RYR2: variants seen among roughly 807,000 people sequenced by gnomAD.
RYR2 encodes the protein cardiac muscle ryanodine receptor-calcium release channel.
Under a neutral mutation model 601.1 loss-of-function variants are expected in RYR2, and 227 were observed. That is an observed-to-expected ratio of 0.38 (90% CI 0.34 to 0.42). RYR2 has a LOEUF of 0.42. Ranked by LOEUF, RYR2 falls within the 10% of genes least tolerant of loss-of-function variation. The pLI, the probability that RYR2 is intolerant of heterozygous loss-of-function variation, is 1.00. For missense variants in RYR2, 4,646 were observed against 6,156.5 expected, an observed-to-expected ratio of 0.75 and a Z score of 8.21; for synonymous variants, 2,223 against 2,175.1, an observed-to-expected ratio of 1.02 and a Z score of -0.61.
chr1:237,497,220 G>C (rs911636875), intron 20 of RYR2, among the ~76,000 whole-genome samples: 2 of 152,130 alleles, frequency 1.3e-5, no homozygotes, highest in Non-Finnish European at 1.5e-5. Flanking sequence ...GTAATGGTGG[G>C]AAATCAATAA....
At chr1:237,327,404 C>T (rs1696274080) in intron 2 of RYR2, among the ~76,000 whole-genome samples, 1 of 152,152 alleles carries the variant, frequency 6.6e-6, no homozygotes. Context: ...TCATTTGAAA[C>T]CCATGTGGTT....
chr1:237,736,167 A>T (rs149672692), intron 79 of RYR2, among the ~76,000 whole-genome samples: 11 of 152,292 alleles, frequency 7.2e-5, no homozygotes, highest in African/African-American at 2.6e-4. Context: ...GGGTTAAAAG[A>T]TAAAAGGATA....
chr1:237,191,437 T>C (rs1679958150), intron 1 of RYR2, among the ~76,000 whole-genome samples: 1 of 152,096 alleles, frequency 6.6e-6, no homozygotes. Flanking sequence ...TTTTCCTTTT[T>C]CTACAAAGAA....
chr1:237,511,863 G>C, intron 24 of RYR2, 72 bp downstream of exon 24: 1 of 803,584 alleles, frequency 1.2e-6, no homozygotes, highest in Non-Finnish European at 1.9e-6. Flanking sequence ...AAAAAAACAG[G>C]TATTGATGCT....
chr1:237,474,883 G>A (rs967053902), intron 17 of RYR2, among the ~76,000 whole-genome samples: 4 of 152,132 alleles, frequency 2.6e-5, no homozygotes, highest in Non-Finnish European at 2.9e-5. Context: ...TTGACTGTCT[G>A]GCTCCTTCCT....
intron 1 of RYR2, among the ~76,000 whole-genome samples, chr1:237,254,357 T>G (rs1219890307): frequency 2.0e-5 from 3 of 152,200 alleles, no homozygotes; most frequent in African/African-American, 7.2e-5. Flanking sequence ...GATAGAGAGA[T>G]TTAGGTCTTG....
chr1:237,720,908 G>A (rs1299927881), intron 73 of RYR2, among the ~76,000 whole-genome samples: 2 of 152,166 alleles, frequency 1.3e-5, no homozygotes, highest in Non-Finnish European at 2.9e-5. Context: ...CAGGAGACAG[G>A]AAGAAGGAAG....
intron 104 of RYR2, 83 bp downstream of exon 104, chr1:237,831,648 G>T: frequency 1.3e-6 from 1 of 780,512 alleles, no homozygotes. Context: ...GCATTAAACA[G>T]TGAGGCACGG....
At chr1:237,085,801 T>C (rs1246153260) in intron 1 of RYR2, among the ~76,000 whole-genome samples, 2 of 152,140 alleles carry the variant, frequency 1.3e-5, no homozygotes, top group East Asian at 1.9e-4. Flanking sequence ...CCAGGCTGGA[T>C]GGAGTACAGT....
chr1:237,597,403 T>C (rs1676011141), intron 34 of RYR2, among the ~76,000 whole-genome samples: 5 of 151,452 alleles, frequency 3.3e-5, no homozygotes, highest in Admixed American at 3.3e-4. Flanking sequence ...TGCCTCAGCC[T>C]CCTGAGTAGC....
chr1:237,083,275 G>A (rs1393927233), intron 1 of RYR2, among the ~76,000 whole-genome samples: 1 of 152,170 alleles, frequency 6.6e-6, no homozygotes, highest in Non-Finnish European at 1.5e-5. Flanking sequence ...TTATGTTCAA[G>A]TGGTGGCATT....
chr1:237,715,288 G>C (rs964846955), intron 71 of RYR2, among the ~76,000 whole-genome samples: 1 of 152,108 alleles, frequency 6.6e-6, no homozygotes, highest in Non-Finnish European at 1.5e-5. Context: ...GCATAGTTTG[G>C]GGAGGAAATA....
Position 237,680,474 on chromosome 1 carries a change from G to T in RYR2, c.8914G>T (p.Asp2972Tyr). ...FFAKVVLPLI[D>Y]QYFKNHRLYF... ...CTTTCAGGTCGTTCTTCCTTTAATT[G>T]ATCAGTATTTCAAAAACCATCGTTT... The change falls in exon 62 of 105, where the codon GAT (aspartate) becomes TAT (tyrosine). Residue 2972 changes from aspartate to tyrosine, a missense_variant. Asp to Tyr is a radical substitution (Grantham distance 160). This residue lies in a region of RYR2 where 1,497 missense variants were observed against 1,842.6 expected (regional missense o/e 0.81). Transcript: ENST00000366574. 1 of 1,607,864 alleles carries T rather than the reference G, an allele frequency of 6.2e-7. No individual in the cohort carries two copies. The highest frequency in any genetic ancestry group is 1.1e-5 in the South Asian group (1 of 90,780).
At chr1:237,309,713 G>A (rs1694321062) in intron 2 of RYR2, among the ~76,000 whole-genome samples, 1 of 152,170 alleles carries the variant, frequency 6.6e-6, no homozygotes. Context: ...GGACACGCAG[G>A]AGCCCATGGC....
chr1:237,714,861 G>A (rs1160048617), intron 71 of RYR2, among the ~76,000 whole-genome samples: 1 of 151,804 alleles, frequency 6.6e-6, no homozygotes, highest in Non-Finnish European at 1.5e-5. Context: ...AGGCGTGGTG[G>A]TGGGTGCCTC....
chr1:237,156,613 G>A (rs1314135316), intron 1 of RYR2, among the ~76,000 whole-genome samples: 2 of 152,174 alleles, frequency 1.3e-5, no homozygotes, highest in African/African-American at 4.8e-5. Context: ...GTAGGGATGG[G>A]ACCATATTTG....
At chr1:237,761,154 C>T (rs2149277716) in intron 84 of RYR2, 126 bp downstream of exon 84, 1 of 665,124 alleles carries the variant, frequency 1.5e-6, no homozygotes, top group Non-Finnish European at 2.6e-6. Context: ...GCTTACATGA[C>T]TCATTTCAAA....
In RYR2 at chr1:237,784,788, C is replaced by T. The variant is rs1394207388; in HGVS notation, c.13076C>T (p.Pro4359Leu). The T allele has an allele frequency of 6.2e-7, 1 of 1,609,670 alleles. No homozygotes were observed. Among genetic ancestry groups the T allele is most frequent in the Non-Finnish European group, 8.5e-7 (1 of 1,177,060 alleles). Residue 4359 changes from proline (P) to leucine (L), a missense_variant, in exon 90 of 105, where the codon CCC becomes CTC. By Grantham distance (98) the Pro-to-Leu change is moderately conservative. Around this residue, in one of 17 missense-constraint regions of RYR2, gnomAD observed 364 missense variants for 442.9 expected, o/e 0.82. Coordinates refer to ENST00000366574, the MANE Select transcript of RYR2 (RefSeq NM_001035.3). The surrounding 1 kb of genome is among the most constrained non-coding windows in gnomAD (Gnocchi z 7.1). ...AGGAAACCCCTGGAAGCCGCCCTGC[C>T]CTCCGAGGATCTGACCGACTTAAAG... ...GERKPLEAAL[P>L]SEDLTDLKEL...
chr1:237,494,661 G>A (rs1042654303), intron 19 of RYR2, among the ~76,000 whole-genome samples: 4 of 152,064 alleles, frequency 2.6e-5, no homozygotes, highest in Non-Finnish European at 5.9e-5. Context: ...AAGAAATAAC[G>A]GCTTACAATC....
Sources: allele counts gnomAD v4.1 joint callset (sites outside exome capture counted in the v4.1 genomes callset), GRCh38; gene constraint gnomAD v4.1.1; regional missense constraint gnomAD v4.1.1; non-coding constraint Gnocchi (gnomAD v3.1); transcripts MANE v1.5; gene names NCBI Gene and HGNC (gene_info 2026-07-23, HGNC 2026-07-21).